Variants in SENP5 observed in about 807,000 individuals in gnomAD.
The protein encoded by SENP5 is sentrin-specific protease 5.
A neutral mutation model predicts 74.2 loss-of-function variants in SENP5; 21 were observed. The observed-to-expected ratio is 0.28, with a 90% confidence interval of 0.20 to 0.41. The LOEUF (loss-of-function observed/expected upper bound fraction) is 0.41. SENP5 is among the 10% of genes least tolerant of loss of function. The probability of loss-of-function intolerance (pLI) is 1.00; values close to 1 mark genes in which losing one functional copy is unlikely to be tolerated. For missense variants in SENP5, 717 were observed against 889.1 expected (o/e 0.81, Z 2.46); for synonymous variants, 311 against 312.7 (o/e 0.99, Z 0.06).
At chr3:196,909,500 G>A (rs746856176) in intron 6 of SENP5, among the ~76,000 whole-genome samples, 8 of 152,118 alleles carry the variant, frequency 5.3e-5, no homozygotes, top group African/African-American at 1.2e-4. Flanking sequence ...ACATCGGTGC[G>A]AAAAATTCTC....
At chr3:196,891,845 C>CAGTG (rs1187499840) in intron 2 of SENP5, among the ~76,000 whole-genome samples, 1 of 152,092 alleles carries the variant, frequency 6.6e-6, no homozygotes, top group Non-Finnish European at 1.5e-5. Context: ...GGCTGGAGTG[C>CAGTG]AGTGGCGTGA....
chr3:196,917,131 TCAAAA>T (rs934954837), intron 6 of SENP5, among the ~76,000 whole-genome samples: 1 of 151,944 alleles, frequency 6.6e-6, no homozygotes, highest in African/African-American at 2.4e-5. Flanking sequence ...GAACTCTGTC[TCAAAA>T]CAAACAAACC....
At chr3:196,898,313 G>T (rs748082659) in intron 2 of SENP5, among the ~76,000 whole-genome samples, 2 of 151,566 alleles carry the variant, frequency 1.3e-5, no homozygotes, top group African/African-American at 2.4e-5. Flanking sequence ...CTGTCCTATG[G>T]TGTGGCCAAA....
intron 1 of SENP5, among the ~76,000 whole-genome samples, chr3:196,869,217 G>A (rs1457625472): frequency 2.6e-5 from 4 of 151,610 alleles, no homozygotes; most frequent in Non-Finnish European, 1.5e-5. Context: ...TTTTTTGGAG[G>A]GGGGACAGGG....
In SENP5 at chr3:196,934,366, C is replaced by T. The variant is rs1716163990; in HGVS notation, c.*3443C>T. 6.6e-6 allele frequency: 1 copy of T among 152,216 alleles called. No individual in the cohort carries two copies. Among genetic ancestry groups the T allele is most frequent in the South Asian group, 2.1e-4 (1 of 4,834 alleles). The allele number at this position is 152,216 out of a possible 1,614,324, so 9.4% of individuals were successfully genotyped here. ...AGCCATAACGGGGTTCTGGGCAGGT[C>T]AGACTCTTCAGCAAGACAGTGTATT... On this transcript the variant is annotated 3_prime_UTR_variant, in exon 10 of 10. Coordinates refer to ENST00000323460, the MANE Select transcript of SENP5 (RefSeq NM_152699.5).
intron 5 of SENP5, among the ~76,000 whole-genome samples, chr3:196,901,822 C>T (rs1193906980): frequency 6.6e-6 from 1 of 152,182 alleles, no homozygotes; most frequent in Non-Finnish European, 1.5e-5. Context: ...CATTTACCAC[C>T]ATTGTACATT....
intron 2 of SENP5, among the ~76,000 whole-genome samples, chr3:196,890,929 G>C (rs544442693): frequency 6.6e-6 from 1 of 152,160 alleles, no homozygotes; most frequent in African/African-American, 2.4e-5. Flanking sequence ...ATAGATTCCT[G>C]TGCCGCAAAA....
At position 196,899,980 on chromosome 3, in the gene SENP5, A is replaced by G; in HGVS notation, c.1676A>G (p.Asn559Ser). 1 of 1,614,114 alleles carries G rather than the reference A, an allele frequency of 6.2e-7. No individual in the cohort carries two copies. The highest frequency in any genetic ancestry group is 8.5e-7 in the Non-Finnish European group (1 of 1,180,022). ...TNYRARHQKCNFRIFYNKHML... is the reference protein window; with the variant it reads ...TNYRARHQKCSFRIFYNKHML... ...TATCGGGCCAGACATCAAAAATGTA[A>G]CTTCCGTATCTTCTATAATAAACAC... Residue 559 changes from asparagine (N) to serine (S), a missense_variant, in exon 4 of 10, where the codon AAC (asparagine) becomes AGC (serine). By Grantham distance (46) the Asn-to-Ser change is conservative. Transcript: ENST00000323460.
intron 1 of SENP5, among the ~76,000 whole-genome samples, chr3:196,883,881 G>A (rs1216693222): frequency 2.0e-5 from 3 of 151,956 alleles, no homozygotes; most frequent in Non-Finnish European, 2.9e-5. Flanking sequence ...TAGTAGAGAC[G>A]GGGTTTCACC....
chr3:196,877,472 A>G (rs1713530039), intron 1 of SENP5, among the ~76,000 whole-genome samples: 1 of 152,132 alleles, frequency 6.6e-6, no homozygotes, highest in Admixed American at 6.6e-5. Flanking sequence ...GGTGTGCGCC[A>G]CCGTGCCCGG....
chr3:196,870,420 T>C (rs1453812479), intron 1 of SENP5, among the ~76,000 whole-genome samples: 1 of 152,202 alleles, frequency 6.6e-6, no homozygotes, highest in Non-Finnish European at 1.5e-5. Context: ...CAATTCCTAC[T>C]CTATTATTAG....
intron 6 of SENP5, chr3:196,913,025 TATA>T (rs1297266824): frequency 4.6e-5 from 7 of 152,288 alleles, no homozygotes; most frequent in African/African-American, 1.4e-4. Context: ...ATAAAGGAGA[TATA>T]ATGACCAATC....
intron 1 of SENP5, among the ~76,000 whole-genome samples, chr3:196,881,099 A>G (rs752068767): frequency 2.0e-5 from 3 of 151,926 alleles, no homozygotes; most frequent in Non-Finnish European, 4.4e-5. Context: ...GGCACATGCC[A>G]CCACACTTGG....
chr3:196,905,616 A>C (rs78867011), intron 6 of SENP5, among the ~76,000 whole-genome samples: 2,651 of 152,276 alleles, frequency 0.017, 20 homozygotes, highest in Non-Finnish European at 0.028. Context: ...GATTCAGATG[A>C]AGAGATGCAT....
chr3:196,912,691 A>G (rs1715186717), intron 6 of SENP5: 1 of 152,200 alleles, frequency 6.6e-6, no homozygotes, highest in Non-Finnish European at 1.5e-5. Flanking sequence ...TGAAAATTCA[A>G]GTTTTCATTA....
intron 2 of SENP5, among the ~76,000 whole-genome samples, chr3:196,889,211 CA>C (rs1417613746): frequency 6.6e-6 from 1 of 150,940 alleles, no homozygotes; most frequent in Non-Finnish European, 1.5e-5. Context: ...AAAACAACAC[CA>C]AAAAACCTCT....
At chr3:196,907,009 G>A (rs900326693) in intron 6 of SENP5, among the ~76,000 whole-genome samples, 4 of 152,184 alleles carry the variant, frequency 2.6e-5, no homozygotes, top group African/African-American at 9.7e-5. Context: ...TTATGGAGAT[G>A]AAGGACAAGG....
At chr3:196,922,600 C>A (rs577117466) in intron 6 of SENP5, among the ~76,000 whole-genome samples, 17 of 152,204 alleles carry the variant, frequency 1.1e-4, no homozygotes, top group African/African-American at 4.1e-4. Flanking sequence ...AGGCATGCAC[C>A]ACCACACCTG....
intron 1 of SENP5, among the ~76,000 whole-genome samples, chr3:196,871,582 T>A (rs571193805): frequency 2.6e-5 from 4 of 152,078 alleles, no homozygotes; most frequent in African/African-American, 7.2e-5. Context: ...ATTTACGGCC[T>A]GGTGCAGTGG....
Sources: gnomAD v4.1 joint callset for allele counts (sites outside exome capture counted in the v4.1 genomes callset) on GRCh38, gnomAD v4.1.1 for gene constraint, MANE v1.5 for transcripts, NCBI Gene and HGNC (gene_info 2026-07-23, HGNC 2026-07-21) for gene names.